Variants in CDC42 observed in about 807,000 individuals in gnomAD.
CDC42 encodes cell division cycle 42, also known as cell division control protein 42 homolog.
In CDC42, 1 loss-of-function variant was observed where a neutral mutation model predicts 20.8. The ratio of observed to expected loss-of-function variants is 0.05; its 90% CI spans 0.02 to 0.23. CDC42 has a LOEUF of 0.23. CDC42 is among the 10% of genes least tolerant of loss of function. CDC42 has a pLI of 1.00. For missense variants in CDC42, 49 were observed against 227.9 expected, an observed-to-expected ratio of 0.21 and a Z score of 5.05; for synonymous variants, 72 against 84.8, an observed-to-expected ratio of 0.85 and a Z score of 0.83.
At chr1:22,055,409 C>T (rs1056051864) in intron 1 of CDC42, among the ~76,000 whole-genome samples, 5 of 151,372 alleles carry the variant, frequency 3.3e-5, no homozygotes, top group African/African-American at 9.7e-5. Context: ...AATACCTGTC[C>T]GTATTAAACT....
chr1:22,085,490 C>T (rs1326772644), intron 3 of CDC42, among the ~76,000 whole-genome samples: 1 of 152,038 alleles, frequency 6.6e-6, no homozygotes, highest in African/African-American at 2.4e-5. Flanking sequence ...TGCATTGAGT[C>T]TGTAGGTTGC....
At chr1:22,066,920 G>A (rs962931888) in intron 1 of CDC42, among the ~76,000 whole-genome samples, 38 of 152,158 alleles carry the variant, frequency 2.5e-4, no homozygotes, top group African/African-American at 7.7e-4. Context: ...AAAATTAGCC[G>A]GGTGTGGTGG....
chr1:22,088,593 T>TAATATAAACAGATGGTGGTCAA (rs1645685765), intron 5 of CDC42, among the ~76,000 whole-genome samples: 1 of 152,204 alleles, frequency 6.6e-6, no homozygotes, highest in Admixed American at 6.5e-5. Context: ...ACTAAAGTCT[T>TAATATAAACAGATGGTGGTCAA]AATATAAACA....
chr1:22,079,081 C>T (rs1289845851), intron 2 of CDC42, among the ~76,000 whole-genome samples: 1 of 151,100 alleles, frequency 6.6e-6, no homozygotes, highest in Admixed American at 6.6e-5. Flanking sequence ...TGTTATGTTT[C>T]GAGAACACCA....
At chr1:22,053,223 C>G (rs1188964484) in intron 1 of CDC42, 1 of 144,752 alleles carries the variant, frequency 6.9e-6, no homozygotes, top group Non-Finnish European at 1.5e-5. Context: ...CCTGGACTTC[C>G]TGCTTCGCCG....
intron 1 of CDC42, among the ~76,000 whole-genome samples, chr1:22,066,063 A>G (rs1455339694): frequency 6.6e-6 from 1 of 152,166 alleles, no homozygotes; most frequent in South Asian, 2.1e-4. Flanking sequence ...CGTTTTTTTC[A>G]TATTACTACT....
chr1:22,083,605 T>C (rs543875673), intron 3 of CDC42, among the ~76,000 whole-genome samples: 2 of 145,838 alleles, frequency 1.4e-5, no homozygotes, highest in East Asian at 4.0e-4. Context: ...ACTCCGTCTT[T>C]AAAAAAAAAA....
chr1:22,090,553 C>G, intron 5 of CDC42: 1 of 987,626 alleles, frequency 1.0e-6, no homozygotes, highest in Non-Finnish European at 1.2e-6. Flanking sequence ...CTTTGGCTGT[C>G]TGTGCTGTAG....
rs1256774061 is a variant in CDC42 at position 22,092,339 on chromosome 1, A to T, written c.*822A>T. The T allele has an allele frequency of 6.6e-6, 1 of 152,602 alleles. No homozygotes were observed. The highest frequency in any genetic ancestry group is 1.5e-5 in the Non-Finnish European group (1 of 68,018). The allele number at this position is 152,602 out of a possible 1,614,324, so 9.5% of individuals were successfully genotyped here. A position where few individuals can be genotyped will look rare whatever the true frequency, so the allele number is the denominator to read the frequency against. ...AATTTCTAACTTCTTTCACTGATAA[A>T]TGAAGAAAAGTATTGCACCTTTGAA... On this transcript the variant is annotated 3_prime_UTR_variant, in exon 6 of 6. Coordinates refer to ENST00000656825, the MANE Select transcript of CDC42 (RefSeq NM_001791.4).
intron 1 of CDC42, among the ~76,000 whole-genome samples, chr1:22,067,952 G>A (rs544342823): frequency 3.3e-5 from 5 of 152,112 alleles, no homozygotes; most frequent in Admixed American, 1.3e-4. Flanking sequence ...AATAGGGTGA[G>A]TTGTAAGGCC....
rs1438768843 is a variant in CDC42, at chr1:22,096,525, C to T, written c.*5008C>T. Among the ~76,000 whole-genome samples the T allele has an allele frequency of 2.0e-5, 3 of 152,220 alleles. No individual in the cohort carries two copies. Among genetic ancestry groups the T allele is most frequent in the Non-Finnish European group, 4.4e-5 (3 of 68,042 alleles). On this transcript the variant is annotated 3_prime_UTR_variant, in exon 6 of 6. Coordinates refer to ENST00000656825, the MANE Select transcript of CDC42 (RefSeq NM_001791.4). ...TTCATTTGTCATTATTTATCAAAAA[C>T]CTGTTCCCTTCCCTGGCACTGGAGA...
intron 2 of CDC42, among the ~76,000 whole-genome samples, 189 bp from the exon 3 acceptor site, chr1:22,081,533 T>C (rs1438607041): frequency 6.6e-6 from 1 of 152,188 alleles, no homozygotes; most frequent in African/African-American, 2.4e-5. Context: ...GAACACATCC[T>C]TTGTCTTTTT....
In CDC42 at chr1:22,065,480, C is replaced by T. The variant is rs1043332980; in HGVS notation, c.-51+12738C>T. 6.6e-5 allele frequency among the ~76,000 whole-genome samples: 10 copies of T among 152,278 alleles called. No homozygotes were observed. In the East Asian group the frequency reaches 1.9e-3, roughly 29 times the overall value. The stretch of plus-strand genomic sequence containing the variant: ...CCCTCTTATTCATGATATTTAGATG[C>T]TTTTACTTAACAACTGTTCTGACCT... On this transcript the variant is annotated intron_variant, in intron 1 of 5. Transcript: ENST00000656825.
Position 22,091,911 on chromosome 1 carries a change from G to A in CDC42, c.*394G>A, listed in dbSNP as rs1645722651. The A allele has an allele frequency of 6.5e-6, 1 of 154,230 alleles. No homozygotes were observed. The highest frequency in any genetic ancestry group is 1.4e-5 in the Non-Finnish European group (1 of 69,970). 9.6% of individuals were successfully genotyped at this position (154,230 alleles called of 1,614,324 possible). On this transcript the variant is annotated 3_prime_UTR_variant, in exon 6 of 6. Coordinates refer to ENST00000656825, the MANE Select transcript of CDC42 (RefSeq NM_001791.4). ...GGTTCCACTCTGGAGAGTAATCTGG[G>A]ACATCTTAGTGTTTTGTTTTGTTTT...
chr1:22,091,821 A>C lies in CDC42; in HGVS notation c.*304A>C, dbSNP rs1419758937. ...TTTTTTTTTTTTTTTTTTGTTGTTT[A>C]AAAGCAAGGCATGCTTGTGGATGAC... On this transcript the variant is annotated 3_prime_UTR_variant, in exon 6 of 6. Transcript: ENST00000656825. 1.8e-5 allele frequency: 1 copy of C among 54,594 alleles called. No individual in the cohort carries two copies. Among genetic ancestry groups the C allele is most frequent in the East Asian group, 2.6e-4 (1 of 3,820 alleles). The allele number at this position is 54,594 out of a possible 1,614,324, so 3.4% of individuals were successfully genotyped here.
intron 3 of CDC42, among the ~76,000 whole-genome samples, chr1:22,085,545 A>C (rs371557286): frequency 6.6e-6 from 1 of 152,194 alleles, no homozygotes; most frequent in African/African-American, 2.4e-5. Flanking sequence ...CTTCCAGTTC[A>C]TGAATGTGGG....
chr1:22,078,897 T>C (rs1454938958), intron 2 of CDC42: 2 of 1,252,790 alleles, frequency 1.6e-6, no homozygotes, highest in East Asian at 5.2e-5. Context: ...TTTTTTTTTT[T>C]TTTTTTTGAT....
intron 3 of CDC42, 28 bp downstream of exon 3, chr1:22,081,822 T>G (rs769175616): frequency 1.1e-5 from 15 of 1,428,414 alleles, no homozygotes; most frequent in African/African-American, 1.4e-5. Flanking sequence ...TTTATACTGT[T>G]TTGATCTTTA....
At position 22,093,392 on chromosome 1, in the gene CDC42, A is replaced by G. The variant is rs1189216589; in HGVS notation, c.*1875A>G. Reference sequence around the variant, plus strand: ...TGTAGCCAAGTTTGGGAATCACCACACCTAGTTGGTTATCTCAAACTACTA... The same window carrying G: ...TGTAGCCAAGTTTGGGAATCACCACGCCTAGTTGGTTATCTCAAACTACTA... On this transcript the variant is annotated 3_prime_UTR_variant, in exon 6 of 6. Coordinates refer to ENST00000656825, the MANE Select transcript of CDC42 (RefSeq NM_001791.4). Among the ~76,000 whole-genome samples the G allele has an allele frequency of 6.6e-6, 1 of 152,200 alleles. No homozygotes were observed. The highest frequency in any genetic ancestry group is 1.5e-5 in the Non-Finnish European group (1 of 68,032).
Sources: gnomAD v4.1 joint callset for allele counts (sites outside exome capture counted in the v4.1 genomes callset) on GRCh38, gnomAD v4.1.1 for gene constraint, MANE v1.5 for transcripts, NCBI Gene and HGNC (gene_info 2026-07-23, HGNC 2026-07-21) for gene names.